MCM6: variants seen among roughly 807,000 people sequenced by gnomAD.
MCM6 encodes the protein DNA replication licensing factor MCM6.
Under a neutral mutation model 94.3 loss-of-function variants are expected in MCM6, and 46 were observed. The ratio of observed to expected loss-of-function variants is 0.49; its 90% CI spans 0.39 to 0.62. The LOEUF (loss-of-function observed/expected upper bound fraction) is 0.62, where lower values mean the gene tolerates loss of function less well. Ranked by LOEUF, MCM6 falls within the 20% of genes least tolerant of loss-of-function variation. The probability of loss-of-function intolerance (pLI) is 0.00; values close to 1 mark genes in which losing one functional copy is unlikely to be tolerated. For synonymous variants in MCM6, 335 were observed against 351.9 expected, an observed-to-expected ratio of 0.95 and a Z score of 0.54; for missense variants, 865 against 1,017.9, an observed-to-expected ratio of 0.85 and a Z score of 2.04.
intron 1 of MCM6, among the ~76,000 whole-genome samples, chr2:135,873,499 G>A (rs1044047619): frequency 6.6e-6 from 1 of 152,150 alleles, no homozygotes; most frequent in African/African-American, 2.4e-5. Flanking sequence ...AAAGCTGCTG[G>A]TATTTTTGCT....
In MCM6 at chr2:135,848,168, C is replaced by T. The variant is rs376210378; in HGVS notation, c.1938G>A (p.Lys646=). The stretch of plus-strand genomic sequence containing the variant: ...ATTTATTCAGTAACCGGAAAGCTTC[C>T]TTCACATGTTTAGGTTGGACCTAAA... ...CCDEVQPKHV[K]EAFRLLNKSI... Residue 646 remains lysine (K), a synonymous_variant, in exon 14 of 17, where the codon AAG becomes AAA. Transcript: ENST00000264156. The T allele has an allele frequency of 6.2e-7, 1 of 1,612,106 alleles. No individual in the cohort carries two copies. Among genetic ancestry groups the T allele is most frequent in the Non-Finnish European group, 8.5e-7 (1 of 1,178,448 alleles).
intron 8 of MCM6, among the ~76,000 whole-genome samples, chr2:135,861,821 T>G (rs571999329): frequency 2.7e-4 from 41 of 152,322 alleles, no homozygotes; most frequent in African/African-American, 9.6e-4. Flanking sequence ...TTTCACCGTG[T>G]TAGCCAGGAT....
At chr2:135,841,392 G>A (rs879769488) in intron 16 of MCM6, among the ~76,000 whole-genome samples, 2 of 151,914 alleles carry the variant, frequency 1.3e-5, no homozygotes, top group Non-Finnish European at 2.9e-5. Context: ...AAGAATCTAT[G>A]AAAATTCATC....
At chr2:135,864,934 G>T in intron 7 of MCM6, 79 bp downstream of exon 7, 1 of 1,133,446 alleles carries the variant, frequency 8.8e-7, no homozygotes, top group Non-Finnish European at 1.2e-6. Context: ...TGATTTATGT[G>T]CTTTCAGAAA....
chr2:135,842,741 G>A (rs1221776631), intron 16 of MCM6, among the ~76,000 whole-genome samples: 1 of 152,158 alleles, frequency 6.6e-6, no homozygotes, highest in East Asian at 1.9e-4. Flanking sequence ...ATGGACAAAG[G>A]GTGAGTGCAA....
intron 15 of MCM6, 129 bp from the exon 16 acceptor site, chr2:135,844,813 T>C (rs1679641037): frequency 2.1e-6 from 2 of 943,104 alleles, no homozygotes; most frequent in East Asian, 5.8e-5. Flanking sequence ...AAAGTACATC[T>C]GGTGACGTAA....
At chr2:135,876,171 C>T in intron 1 of MCM6, 88 bp downstream of exon 1, 4 of 1,068,288 alleles carry the variant, frequency 3.7e-6, no homozygotes, top group Non-Finnish European at 5.1e-6. Context: ...CCCCAGGTTC[C>T]GGAACACCCG....
At chr2:135,853,256 G>C (rs1449443263) in intron 11 of MCM6, among the ~76,000 whole-genome samples, 2 of 152,102 alleles carry the variant, frequency 1.3e-5, no homozygotes, top group Admixed American at 1.3e-4. Context: ...AGACCAGTCA[G>C]GGCGACAAAC....
In MCM6 at chr2:135,840,129, T is replaced by G. The variant is rs973395410; in HGVS notation, c.*706A>C. ...ACCTATTTCCCCTAAAAAAGCAATT[T>G]GAAAACAATCCTGAGAAATTACCCT... On this transcript the variant is annotated 3_prime_UTR_variant, in exon 17 of 17. Transcript: ENST00000264156. 12 of 151,710 alleles carry G rather than the reference T, an allele frequency of 7.9e-5. No individual in the cohort carries two copies. The highest frequency in any genetic ancestry group is 2.9e-4 in the African/African-American group (12 of 41,234). The allele number at this position is 151,710 out of a possible 1,614,324, so 9.4% of individuals were successfully genotyped here. A position where few individuals can be genotyped will look rare whatever the true frequency, so the allele number is the denominator to read the frequency against.
In MCM6 at chr2:135,839,734, T is replaced by C. The variant is rs1183326641; in HGVS notation, c.*1101A>G. 6.6e-6 allele frequency: 1 copy of C among 152,222 alleles called. No individual in the cohort carries two copies. The highest frequency in any genetic ancestry group is 1.5e-5 in the Non-Finnish European group (1 of 68,044). The allele number at this position is 152,222 out of a possible 1,614,324, so 9.4% of individuals were successfully genotyped here. A position where few individuals can be genotyped will look rare whatever the true frequency, so the allele number is the denominator to read the frequency against. ...TTGATTCCAGGGAAAGAGATAATTA[T>C]TGGGAGAAACATATTTAAATCATTG... On this transcript the variant is annotated 3_prime_UTR_variant, in exon 17 of 17. Transcript: ENST00000264156.
intron 8 of MCM6, among the ~76,000 whole-genome samples, chr2:135,860,257 C>T (rs1309796288): frequency 6.6e-6 from 1 of 152,040 alleles, no homozygotes; most frequent in Non-Finnish European, 1.5e-5. Context: ...TTCAGCCTCT[C>T]GAGTAGCTGG....
chr2:135,861,709 T>C (rs1258736764), intron 8 of MCM6, among the ~76,000 whole-genome samples: 1 of 152,168 alleles, frequency 6.6e-6, no homozygotes, highest in Non-Finnish European at 1.5e-5. Flanking sequence ...GCCTCCTGGG[T>C]TCACGCCATT....
chr2:135,857,831 C>A (rs1558758851), intron 10 of MCM6, 66 bp downstream of exon 10: 1 of 1,338,480 alleles, frequency 7.5e-7, no homozygotes, highest in East Asian at 2.3e-5. Context: ...AGGTGAACTT[C>A]TCTAGTACTA....
chr2:135,848,016 C>T, intron 14 of MCM6, 37 bp downstream of exon 14: 1 of 1,551,806 alleles, frequency 6.4e-7, no homozygotes, highest in Non-Finnish European at 8.8e-7. Context: ...TGTTTTGGTC[C>T]CTAACTCCAA....
At chr2:135,860,999 T>A (rs1470928754) in intron 8 of MCM6, among the ~76,000 whole-genome samples, 1 of 152,166 alleles carries the variant, frequency 6.6e-6, no homozygotes, top group Non-Finnish European at 1.5e-5. Context: ...CACATGACAC[T>A]GTTACCAGAG....
intron 9 of MCM6, 48 bp downstream of exon 9, chr2:135,859,253 T>C: frequency 6.7e-7 from 1 of 1,487,938 alleles, no homozygotes; most frequent in Non-Finnish European, 9.3e-7. Context: ...ACTGATAGGG[T>C]AGGGGTATTC....
At chr2:135,872,464 C>A (rs930914922) in intron 2 of MCM6, among the ~76,000 whole-genome samples, 1 of 151,898 alleles carries the variant, frequency 6.6e-6, no homozygotes, top group African/African-American at 2.4e-5. Context: ...AACAAACAAA[C>A]AAACAAACAA....
chr2:135,871,707 A>ATG, intron 2 of MCM6, among the ~76,000 whole-genome samples: 1 of 152,248 alleles, frequency 6.6e-6, no homozygotes, highest in East Asian at 1.9e-4. Flanking sequence ...AGCTATTAGT[A>ATG]TGAGTTTAAG....
intron 4 of MCM6, among the ~76,000 whole-genome samples, chr2:135,867,962 G>C (rs1235544657): frequency 1.3e-5 from 2 of 152,118 alleles, no homozygotes; most frequent in East Asian, 1.9e-4. Context: ...AGGAGGCGGA[G>C]CTTGCAGTGA....
Sources: gnomAD v4.1 joint callset for allele counts (sites outside exome capture counted in the v4.1 genomes callset) on GRCh38, gnomAD v4.1.1 for gene constraint, MANE v1.5 for transcripts, NCBI Gene and HGNC (gene_info 2026-07-23, HGNC 2026-07-21) for gene names.